The following TACR1 variants were observed in gnomAD, a reference collection of about 807,000 sequenced individuals.
TACR1 encodes the protein tachykinin receptor 1, also known as substance-P receptor.
TACR1 carries 25 observed loss-of-function variants against 35.8 expected under a neutral mutation model. That is an observed-to-expected ratio of 0.70 (90% confidence interval 0.51 to 0.98). TACR1 has a LOEUF of 0.98. TACR1 is among the 50% of genes least tolerant of loss of function. The pLI, the probability that TACR1 is intolerant of heterozygous loss-of-function variation, is 0.00. For synonymous variants in TACR1, 195 were observed against 206.7 expected (o/e 0.94, Z 0.48); for missense variants, 478 against 522.9 (o/e 0.91, Z 0.84).
intron 2 of TACR1, among the ~76,000 whole-genome samples, chr2:75,067,133 CAG>C (rs1241458838): frequency 1.3e-5 from 2 of 152,102 alleles, no homozygotes; most frequent in African/African-American, 2.4e-5. Flanking sequence ...TTAGCTAAGA[CAG>C]GGACTTTTTT....
chr2:75,152,794 G>A (rs1674702996), intron 1 of TACR1, among the ~76,000 whole-genome samples: 1 of 152,160 alleles, frequency 6.6e-6, no homozygotes, highest in African/African-American at 2.4e-5. Context: ...CACTGCTAAG[G>A]GGTTGTTCCT....
At chr2:75,148,314 G>A (rs1335519300) in intron 1 of TACR1, among the ~76,000 whole-genome samples, 1 of 152,122 alleles carries the variant, frequency 6.6e-6, no homozygotes, top group African/African-American at 2.4e-5. Context: ...CACAACGGTT[G>A]AATCAATTTA....
chr2:75,165,108 G>C (rs539178799), intron 1 of TACR1, among the ~76,000 whole-genome samples: 1 of 152,164 alleles, frequency 6.6e-6, no homozygotes, highest in Admixed American at 6.5e-5. Context: ...CTTATCAGAA[G>C]CTAGACGAGG....
intron 1 of TACR1, among the ~76,000 whole-genome samples, chr2:75,125,561 TGTA>T (rs1425537364): frequency 6.6e-6 from 1 of 152,320 alleles, no homozygotes; most frequent in East Asian, 1.9e-4. Flanking sequence ...GTGCTGAGGA[TGTA>T]GTAAATACTC....
intron 1 of TACR1, among the ~76,000 whole-genome samples, chr2:75,162,043 CAAAAAAAAA>C (rs35438025): frequency 0.025 from 2,366 of 94,198 alleles, 75 homozygotes; most frequent in African/African-American, 0.091. Context: ...TTGACTCTTC[CAAAAAAAAA>C]AAAAAAAAAA....
At chr2:75,156,788 T>C (rs548228454) in intron 1 of TACR1, among the ~76,000 whole-genome samples, 1 of 152,214 alleles carries the variant, frequency 6.6e-6, no homozygotes, top group Non-Finnish European at 1.5e-5. Context: ...TACTGGTCTT[T>C]CATACAAAGT....
intron 1 of TACR1, among the ~76,000 whole-genome samples, chr2:75,195,300 C>T (rs1374722887): frequency 1.3e-5 from 2 of 151,998 alleles, no homozygotes; most frequent in Non-Finnish European, 2.9e-5. Flanking sequence ...AAAAATAAAA[C>T]TCTTTCTAAT....
intron 1 of TACR1, chr2:75,154,702 G>T (rs930076278): frequency 2.6e-5 from 4 of 152,498 alleles, no homozygotes; most frequent in Non-Finnish European, 5.8e-5. Flanking sequence ...GACTGTGGCT[G>T]GAGTCTCCTA....
intron 1 of TACR1, among the ~76,000 whole-genome samples, chr2:75,143,571 G>C (rs1324330944): frequency 6.6e-6 from 1 of 152,234 alleles, no homozygotes; most frequent in Non-Finnish European, 1.5e-5. Context: ...ATTCCATAAA[G>C]GAGGTGCTGT....
At chr2:75,178,209 G>C (rs1477146781) in intron 1 of TACR1, among the ~76,000 whole-genome samples, 1 of 150,060 alleles carries the variant, frequency 6.7e-6, no homozygotes, top group Admixed American at 6.6e-5. Flanking sequence ...TTGAGACAGA[G>C]TTTCGCTCTT....
chr2:75,143,294 AT>A (rs1674445648), intron 1 of TACR1, among the ~76,000 whole-genome samples: 1 of 152,198 alleles, frequency 6.6e-6, no homozygotes, highest in African/African-American at 2.4e-5. Context: ...ATTTCAAAAC[AT>A]TTTTGACCAT....
chr2:75,084,547 C>T (rs972029195), intron 2 of TACR1, among the ~76,000 whole-genome samples: 6 of 152,132 alleles, frequency 3.9e-5, no homozygotes, highest in African/African-American at 9.7e-5. Flanking sequence ...GCTGTGAGTC[C>T]GTCTGGTCCT....
intron 2 of TACR1, among the ~76,000 whole-genome samples, chr2:75,063,498 TA>T (rs1184672965): frequency 1.3e-5 from 2 of 152,260 alleles, no homozygotes; most frequent in Non-Finnish European, 2.9e-5. Context: ...AAACTCCAAA[TA>T]TTTTTTTCTC....
At chr2:75,112,720 A>G (rs1673775487) in intron 2 of TACR1, among the ~76,000 whole-genome samples, 1 of 152,118 alleles carries the variant, frequency 6.6e-6, no homozygotes, top group Admixed American at 6.5e-5. Context: ...TCAACACTAC[A>G]TTTTAACAAA....
intron 3 of TACR1, among the ~76,000 whole-genome samples, chr2:75,051,826 A>G (rs529878036): frequency 4.1e-4 from 62 of 152,284 alleles, no homozygotes; most frequent in African/African-American, 1.4e-3. Context: ...GTGTTACATT[A>G]TTCTTCATGA....
At chr2:75,148,144 T>C (rs1674588299) in intron 1 of TACR1, among the ~76,000 whole-genome samples, 1 of 152,328 alleles carries the variant, frequency 6.6e-6, no homozygotes, top group African/African-American at 2.4e-5. Context: ...GTTGGTTCCA[T>C]GTCTTTGCTA....
At chr2:75,058,807 G>A (rs188855768) in intron 2 of TACR1, among the ~76,000 whole-genome samples, 111 of 152,284 alleles carry the variant, frequency 7.3e-4, no homozygotes, top group Non-Finnish European at 1.2e-3. Context: ...ACAATATCTT[G>A]GTGCTCATTA....
chr2:75,183,896 CAG>C (rs1189108092), intron 1 of TACR1, among the ~76,000 whole-genome samples: 2 of 152,142 alleles, frequency 1.3e-5, no homozygotes, highest in Non-Finnish European at 2.9e-5. Context: ...GATGAGTAAA[CAG>C]AGAAAAATAA....
intron 1 of TACR1, among the ~76,000 whole-genome samples, chr2:75,138,945 G>A (rs1674349502): frequency 6.6e-6 from 1 of 152,114 alleles, no homozygotes; most frequent in African/African-American, 2.4e-5. Context: ...AATTACAACT[G>A]TGGTAAGTCC....
Sources: allele counts gnomAD v4.1 joint callset (sites outside exome capture counted in the v4.1 genomes callset), GRCh38; gene constraint gnomAD v4.1.1; transcripts MANE v1.5; gene names NCBI Gene and HGNC (gene_info 2026-07-23, HGNC 2026-07-21).